The following JAZF1 variants were observed in gnomAD, a reference collection of about 807,000 sequenced individuals.
JAZF1 encodes the protein juxtaposed with another zinc finger protein 1.
Under a neutral mutation model 26.4 loss-of-function variants are expected in JAZF1, and 8 were observed. The ratio of observed to expected loss-of-function variants is 0.30; its 90% CI spans 0.18 to 0.55. The LOEUF (loss-of-function observed/expected upper bound fraction) is 0.55, where lower values mean the gene tolerates loss of function less well. Among genes scored for constraint, JAZF1 ranks in the 20% least tolerant of loss-of-function variants. The pLI is 0.94. For missense variants in JAZF1, 199 were observed against 322.0 expected (o/e 0.62, Z 2.92); for synonymous variants, 126 against 122.3 (o/e 1.03, Z -0.20).
intron 1 of JAZF1, among the ~76,000 whole-genome samples, chr7:28,096,279 A>G (rs899645172): frequency 6.6e-6 from 1 of 152,208 alleles, no homozygotes; most frequent in Non-Finnish European, 1.5e-5. Context: ...GTGAGGAAAA[A>G]ACTATGAGTA....
chr7:28,054,517 C>T (rs1029994041), intron 1 of JAZF1, among the ~76,000 whole-genome samples: 1 of 152,070 alleles, frequency 6.6e-6, no homozygotes, highest in African/African-American at 2.4e-5. Flanking sequence ...AGTCATGCCC[C>T]TAGACCCAGT....
intron 1 of JAZF1, among the ~76,000 whole-genome samples, chr7:28,146,462 T>G (rs1161552502): frequency 6.6e-6 from 1 of 152,222 alleles, no homozygotes; most frequent in Non-Finnish European, 1.5e-5. Context: ...TTCAGATAAC[T>G]GAAATTTATC....
At chr7:27,904,060 C>T (rs192) in intron 2 of JAZF1, among the ~76,000 whole-genome samples, 56,010 of 151,998 alleles carry the variant, frequency 0.37, 10,533 homozygotes, top group East Asian at 0.49. Context: ...TTCTGAAGGA[C>T]AGTCTAACAT....
chr7:27,850,899 A>G (rs1182562737), intron 3 of JAZF1, among the ~76,000 whole-genome samples: 1 of 152,016 alleles, frequency 6.6e-6, no homozygotes, highest in East Asian at 1.9e-4. Flanking sequence ...ACATTTATAA[A>G]TCTTTAGATA....
intron 1 of JAZF1, among the ~76,000 whole-genome samples, chr7:28,164,360 T>C (rs1383108414): frequency 6.6e-6 from 1 of 152,254 alleles, no homozygotes; most frequent in Non-Finnish European, 1.5e-5. Context: ...GGTACGAATA[T>C]ATGTATCTTG....
intron 1 of JAZF1, among the ~76,000 whole-genome samples, chr7:28,082,467 C>T (rs1269372718): frequency 6.6e-6 from 1 of 152,162 alleles, no homozygotes; most frequent in African/African-American, 2.4e-5. Context: ...CTTAGGTTCT[C>T]TTCTCATACC....
chr7:27,968,948 G>A (rs1785324716), intron 2 of JAZF1, among the ~76,000 whole-genome samples: 1 of 152,120 alleles, frequency 6.6e-6, no homozygotes, highest in Non-Finnish European at 1.5e-5. Flanking sequence ...AAGTTTGTAC[G>A]AATAATAGAT....
At chr7:28,150,156 G>A (rs931466912) in intron 1 of JAZF1, among the ~76,000 whole-genome samples, 1 of 152,194 alleles carries the variant, frequency 6.6e-6, no homozygotes, top group African/African-American at 2.4e-5. Context: ...GCCCGGTGGG[G>A]AGGCAGGTCC....
chr7:28,001,110 T>C (rs1452092561), intron 1 of JAZF1, among the ~76,000 whole-genome samples: 1 of 151,826 alleles, frequency 6.6e-6, no homozygotes, highest in Non-Finnish European at 1.5e-5. Flanking sequence ...TCCTAGCACT[T>C]TGGGAGGCCA....
At chr7:28,110,520 GAAAAGGAAAAGGAAAGGA>G (rs1784635410) in intron 1 of JAZF1, among the ~76,000 whole-genome samples, 1 of 60,154 alleles carries the variant, frequency 1.7e-5, no homozygotes, top group East Asian at 5.9e-4. Flanking sequence ...AAAGGAAAAG[GAAAAGGAAAAGGAAAGGA>G]AAAGGAAAAG....
chr7:28,035,459 GAGAT>G (rs148594756), intron 1 of JAZF1, among the ~76,000 whole-genome samples: 2,513 of 150,384 alleles, frequency 0.017, 59 homozygotes, highest in African/African-American at 0.056. Flanking sequence ...GAAATCTAAA[GAGAT>G]AGAGAGTATC....
At chr7:27,877,251 C>T (rs969587784) in intron 3 of JAZF1, among the ~76,000 whole-genome samples, 3 of 152,160 alleles carry the variant, frequency 2.0e-5, no homozygotes, top group Non-Finnish European at 4.4e-5. Context: ...CCCATGGCTC[C>T]GAATGAGAGG....
At chr7:28,159,027 G>GA (rs1171024692) in intron 1 of JAZF1, among the ~76,000 whole-genome samples, 1 of 152,052 alleles carries the variant, frequency 6.6e-6, no homozygotes, top group Admixed American at 6.6e-5. Context: ...TGCCCTTAAG[G>GA]AGCTCACAAG....
At chr7:27,850,922 A>T (rs2128334092) in intron 3 of JAZF1, among the ~76,000 whole-genome samples, 1 of 152,246 alleles carries the variant, frequency 6.6e-6, no homozygotes, top group East Asian at 1.9e-4. Context: ...ATTAAATAAT[A>T]ATACATCGGA....
At chr7:28,138,700 G>A (rs1381964467) in intron 1 of JAZF1, among the ~76,000 whole-genome samples, 1 of 152,156 alleles carries the variant, frequency 6.6e-6, no homozygotes, top group African/African-American at 2.4e-5. Flanking sequence ...GGATTTCCTT[G>A]TTATGCTGAG....
chr7:27,875,469 C>T lies in JAZF1; in HGVS notation c.385+19751G>A, dbSNP rs552409975. ...AAACCCTCCCTTAACTTCCCCTCAA[C>T]GTAGCAAAAAGTGCCAACTCCTGTC... On this transcript the variant is annotated intron_variant, in intron 3 of 4. Coordinates refer to ENST00000283928, the MANE Select transcript of JAZF1 (RefSeq NM_175061.4). Among the ~76,000 whole-genome samples, 14 of 152,182 alleles carry T rather than the reference C, an allele frequency of 9.2e-5. 1 individual carries two copies. The highest frequency in any genetic ancestry group is 2.1e-4 in the South Asian group (1 of 4,824).
chr7:28,158,424 C>T lies in JAZF1; in HGVS notation c.115+22039G>A, dbSNP rs936159415. Among the ~76,000 whole-genome samples, 10 of 152,120 alleles carry T rather than the reference C, an allele frequency of 6.6e-5. No individual in the cohort carries two copies. The South Asian group carries it at 8.3e-4, about 13-fold the overall frequency. ...GAGTGCTAACGAAAGGGGAAGAGAACGGCAGAGACTCCAGCTGGCACAAAC... is the reference window on the plus strand; with the variant it reads ...GAGTGCTAACGAAAGGGGAAGAGAATGGCAGAGACTCCAGCTGGCACAAAC... On this transcript the variant is annotated intron_variant, in intron 1 of 4. Transcript: ENST00000283928.
chr7:28,026,380 A>G lies in JAZF1; in HGVS notation c.116-34399T>C, dbSNP rs78971580. Among the ~76,000 whole-genome samples the G allele has an allele frequency of 9.7e-3, 1,483 of 152,296 alleles. 26 individuals are homozygous for G. The highest frequency in any genetic ancestry group is 0.034 in the African/African-American group (1,417 of 41,546). ...TTCTCAAAAGAGGACTAAAAGAATA[A>G]GAGAATGCAGTGCAGACACAAGAGC... On this transcript the variant is annotated intron_variant, in intron 1 of 4. Coordinates refer to ENST00000283928, the MANE Select transcript of JAZF1 (RefSeq NM_175061.4).
At chr7:28,103,680 A>C (rs1048527372) in intron 1 of JAZF1, among the ~76,000 whole-genome samples, 4 of 152,060 alleles carry the variant, frequency 2.6e-5, no homozygotes, top group Non-Finnish European at 5.9e-5. Flanking sequence ...ACCTAAACCA[A>C]ACCTGTTGAC....
Sources: allele counts gnomAD v4.1 joint callset (sites outside exome capture counted in the v4.1 genomes callset), GRCh38; gene constraint gnomAD v4.1.1; transcripts MANE v1.5; gene names NCBI Gene and HGNC (gene_info 2026-07-23, HGNC 2026-07-21).